CNTN5: variants seen among roughly 807,000 people sequenced by gnomAD.
The protein encoded by CNTN5 is contactin-5.
A neutral mutation model predicts 129.1 loss-of-function variants in CNTN5; 77 were observed. The ratio of observed to expected loss-of-function variants is 0.60; its 90% CI spans 0.50 to 0.72. CNTN5 has a LOEUF of 0.72. CNTN5 is among the 30% of genes least tolerant of loss of function. CNTN5 has a pLI of 0.00. For missense variants in CNTN5, 1,478 were observed against 1,328.8 expected (o/e 1.11, Z -1.75); for synonymous variants, 509 against 465.6 (o/e 1.09, Z -1.20).
rs541529023 is a variant in CNTN5 at position 99,678,838 on chromosome 11, G to A, written c.55+122569G>A. On this transcript the variant is annotated intron_variant, in intron 3 of 24. Coordinates refer to ENST00000524871, the MANE Select transcript of CNTN5 (RefSeq NM_014361.4). ...CACATGAGAAGAATACAAATAAAAT[G>A]TTAAAGTAATTAAAGGCATATAAAC... Among the ~76,000 whole-genome samples, 10 of 151,820 alleles carry A rather than the reference G, an allele frequency of 6.6e-5. No homozygotes were observed. The East Asian group carries it at 7.7e-4, about 12-fold the overall frequency.
rs191528029 is a variant in CNTN5, at chr11:99,267,842, T to C, written c.-209-57504T>C. On this transcript the variant is annotated intron_variant, in intron 1 of 24. Transcript: ENST00000524871. ...CCTTGTATTTCTCTTCTATCACTTA[T>C]GCCAAACTTAGAGATCTCTCTTATT... Among the ~76,000 whole-genome samples the C allele has an allele frequency of 1.4e-3, 211 of 151,916 alleles. 2 individuals are homozygous for C. Among genetic ancestry groups the C allele is most frequent in the African/African-American group, 4.5e-3 (188 of 41,474 alleles).
At chr11:99,126,885 A>T (rs955245839) in intron 1 of CNTN5, among the ~76,000 whole-genome samples, 3 of 152,082 alleles carry the variant, frequency 2.0e-5, no homozygotes, top group Admixed American at 2.0e-4. Flanking sequence ...GAGTTATATG[A>T]TCTGTCTCCT....
intron 15 of CNTN5, among the ~76,000 whole-genome samples, chr11:100,218,803 T>C (rs1377962902): frequency 1.3e-5 from 2 of 152,188 alleles, no homozygotes; most frequent in Admixed American, 6.5e-5. Context: ...ACAAGATAGG[T>C]TGAGTCTAGC....
intron 21 of CNTN5, among the ~76,000 whole-genome samples, chr11:100,334,174 G>C (rs141681097): frequency 2.5e-3 from 386 of 152,120 alleles, no homozygotes; most frequent in African/African-American, 8.7e-3. Flanking sequence ...CAAACATATG[G>C]AAAAATGCTC....
At chr11:99,529,894 A>G (rs1197406610) in intron 2 of CNTN5, among the ~76,000 whole-genome samples, 1 of 152,202 alleles carries the variant, frequency 6.6e-6, no homozygotes, top group African/African-American at 2.4e-5. Context: ...GAAAATGTTA[A>G]ACAAATAAAC....
At chr11:100,230,162 T>C (rs1949459513) in intron 16 of CNTN5, among the ~76,000 whole-genome samples, 1 of 152,210 alleles carries the variant, frequency 6.6e-6, no homozygotes, top group East Asian at 1.9e-4. Context: ...TATTTTTCAA[T>C]ATTTTTGAAA....
At chr11:99,336,794 C>A (rs188444626) in intron 2 of CNTN5, among the ~76,000 whole-genome samples, 23 of 151,550 alleles carry the variant, frequency 1.5e-4, no homozygotes, top group Admixed American at 1.1e-3. Context: ...CGCCATTGCA[C>A]TCCAGCCTGG....
chr11:100,181,013 A>G (rs1948125234), intron 13 of CNTN5, among the ~76,000 whole-genome samples: 1 of 152,038 alleles, frequency 6.6e-6, no homozygotes. Flanking sequence ...ACGAAACTAC[A>G]TATGCAATTT....
chr11:100,334,672 A>C (rs1951990505), intron 21 of CNTN5, among the ~76,000 whole-genome samples: 1 of 152,168 alleles, frequency 6.6e-6, no homozygotes, highest in African/African-American at 2.4e-5. Context: ...AAGTGAAGTA[A>C]CTCAGGAATG....
intron 2 of CNTN5, among the ~76,000 whole-genome samples, chr11:99,464,905 A>T (rs1214091758): frequency 2.6e-5 from 4 of 152,178 alleles, no homozygotes; most frequent in African/African-American, 7.2e-5. Flanking sequence ...AACTGTAGTT[A>T]GTTTACTATT....
chr11:99,278,597 A>G (rs938214614), intron 1 of CNTN5, among the ~76,000 whole-genome samples: 4 of 151,662 alleles, frequency 2.6e-5, no homozygotes, highest in African/African-American at 9.7e-5. Flanking sequence ...GATCTTTCAT[A>G]GGCACTTTAA....
chr11:100,164,536 A>C (rs1947563108), intron 13 of CNTN5, among the ~76,000 whole-genome samples: 1 of 151,846 alleles, frequency 6.6e-6, no homozygotes, highest in Non-Finnish European at 1.5e-5. Context: ...GCAAAAGTGA[A>C]CAACTAAAGA....
At chr11:100,247,382 T>C (rs1949864413) in intron 16 of CNTN5, among the ~76,000 whole-genome samples, 1 of 152,204 alleles carries the variant, frequency 6.6e-6, no homozygotes, top group Admixed American at 6.6e-5. Flanking sequence ...TTGTTTCTCA[T>C]TTCCATTCTT....
At chr11:99,639,756 G>A (rs969289835) in intron 3 of CNTN5, among the ~76,000 whole-genome samples, 7 of 151,644 alleles carry the variant, frequency 4.6e-5, no homozygotes, top group African/African-American at 1.7e-4. Flanking sequence ...TGGAGATGAG[G>A]TTTCACCATG....
chr11:99,174,595 TA>T (rs1857685848), intron 1 of CNTN5, among the ~76,000 whole-genome samples: 1 of 152,136 alleles, frequency 6.6e-6, no homozygotes, highest in African/African-American at 2.4e-5. Flanking sequence ...TTTTTTCTCA[TA>T]TTGGCAACAG....
intron 2 of CNTN5, among the ~76,000 whole-genome samples, chr11:99,455,105 G>A (rs554162183): frequency 1.3e-5 from 2 of 152,228 alleles, no homozygotes; most frequent in East Asian, 1.9e-4. Context: ...CAGGTTAATA[G>A]GATTATTTGG....
At chr11:99,727,511 C>G (rs1039147987) in intron 3 of CNTN5, among the ~76,000 whole-genome samples, 1 of 151,722 alleles carries the variant, frequency 6.6e-6, no homozygotes, top group Non-Finnish European at 1.5e-5. Context: ...TTATCCCATC[C>G]TTAATTGTTT....
chr11:100,168,524 C>T (rs574313184), intron 13 of CNTN5, among the ~76,000 whole-genome samples: 14 of 152,050 alleles, frequency 9.2e-5, no homozygotes, highest in South Asian at 6.2e-4. Context: ...CATCTATTTA[C>T]AGCTTGCTTT....
intron 4 of CNTN5, among the ~76,000 whole-genome samples, chr11:99,820,769 C>T (rs1946776880): frequency 6.6e-6 from 1 of 152,210 alleles, no homozygotes; most frequent in African/African-American, 2.4e-5. Context: ...AGCTAATTTT[C>T]ATTCACATCA....
Sources: allele counts gnomAD v4.1 joint callset (sites outside exome capture counted in the v4.1 genomes callset), GRCh38; gene constraint gnomAD v4.1.1; transcripts MANE v1.5; gene names NCBI Gene and HGNC (gene_info 2026-07-23, HGNC 2026-07-21).